GMDS: variants seen among roughly 807,000 people sequenced by gnomAD.
The protein encoded by GMDS is GDP-mannose 4,6-dehydratase.
Under a neutral mutation model 49.9 loss-of-function variants are expected in GMDS, and 20 were observed. The ratio of observed to expected loss-of-function variants is 0.40; its 90% CI spans 0.28 to 0.58. The LOEUF is 0.58. Ranked by LOEUF, GMDS falls within the 20% of genes least tolerant of loss-of-function variation. The probability of loss-of-function intolerance (pLI) is 0.42; values close to 1 mark genes in which losing one functional copy is unlikely to be tolerated. For synonymous variants in GMDS, 177 were observed against 178.6 expected (o/e 0.99, Z 0.07); for missense variants, 362 against 481.4 (o/e 0.75, Z 2.32).
intron 1 of GMDS, among the ~76,000 whole-genome samples, chr6:2,154,479 G>T (rs1001163030): frequency 8.5e-5 from 13 of 152,152 alleles, no homozygotes; most frequent in African/African-American, 3.1e-4. Context: ...TTAAGATACT[G>T]GGAAGTGGTT....
Position 2,136,285 on chromosome 6 carries a change from T to C in GMDS, c.103-11554A>G, listed in dbSNP as rs562935542. Among the ~76,000 whole-genome samples the C allele has an allele frequency of 5.3e-5, 8 of 152,352 alleles. No individual in the cohort carries two copies. In the South Asian group the frequency reaches 1.2e-3, roughly 24 times the overall value. On this transcript the variant is annotated intron_variant, in intron 1 of 10. Coordinates refer to ENST00000380815, the MANE Select transcript of GMDS (RefSeq NM_001500.4). Reference sequence around the variant, plus strand: ...GTTTTAGATTTCATAAAACTGATCATTGAAAAAGTAAATTCATGTACCCAA... The same window carrying C: ...GTTTTAGATTTCATAAAACTGATCACTGAAAAAGTAAATTCATGTACCCAA...
intron 4 of GMDS, among the ~76,000 whole-genome samples, chr6:2,114,020 A>G (rs139501306): frequency 0.01 from 1,536 of 152,290 alleles, 14 homozygotes; most frequent in Non-Finnish European, 0.013. Context: ...CACCAGAACG[A>G]TAACAAAACA....
At chr6:1,780,750 G>C (rs945910230) in intron 7 of GMDS, among the ~76,000 whole-genome samples, 16 of 152,242 alleles carry the variant, frequency 1.1e-4, no homozygotes, top group African/African-American at 3.9e-4. Context: ...GCCATCACAG[G>C]AGTCCTAGTG....
intron 4 of GMDS, among the ~76,000 whole-genome samples, chr6:2,054,373 G>T (rs528443926): frequency 4.6e-5 from 7 of 152,134 alleles, no homozygotes; most frequent in South Asian, 2.1e-4. Flanking sequence ...TCAAAAGTGG[G>T]AAGATTCTGG....
At chr6:1,698,673 G>A (rs1765431939) in intron 9 of GMDS, among the ~76,000 whole-genome samples, 1 of 152,150 alleles carries the variant, frequency 6.6e-6, no homozygotes, top group African/African-American at 2.4e-5. Context: ...AGCCCACTCT[G>A]AGAAGGGCAG....
chr6:1,734,635 G>A (rs1350484544), intron 8 of GMDS, among the ~76,000 whole-genome samples: 2 of 152,184 alleles, frequency 1.3e-5, no homozygotes, highest in Non-Finnish European at 2.9e-5. Flanking sequence ...TTTGTGGGGA[G>A]GCCTCCTCAA....
rs546719432 is a variant in GMDS, at chr6:1,836,698, G to A, written c.771+93405C>T. Among the ~76,000 whole-genome samples, 217 of 152,294 alleles carry A rather than the reference G, an allele frequency of 1.4e-3. 1 individual carries two copies. The highest frequency in any genetic ancestry group is 2.7e-3 in the Non-Finnish European group (181 of 68,026). ...AACATGTGTTTCTTCACTGAATTTC[G>A]TATGGTTTCCCCTCTTCTTCTTATA... On this transcript the variant is annotated intron_variant, in intron 7 of 10. Coordinates refer to ENST00000380815, the MANE Select transcript of GMDS (RefSeq NM_001500.4). This position sits in a 1 kb window ranked among gnomAD's most constrained non-coding sequence, Gnocchi z 4.2.
At position 1,761,650 on chromosome 6, in the gene GMDS, AT is replaced by A. The variant is rs1276523951; in HGVS notation, c.772-19065del. On this transcript the variant is annotated intron_variant, in intron 7 of 10. Transcript: ENST00000380815. Reference sequence around the variant, plus strand: ...TGCCTGAACACTAATTTAATGTTGTATTTTTTTTGCTTGTGTCAATGAGTGT... The same window carrying A: ...TGCCTGAACACTAATTTAATGTTGTATTTTTTTGCTTGTGTCAATGAGTGT... Among the ~76,000 whole-genome samples the A allele has an allele frequency of 3.0e-4, 45 of 151,976 alleles. 1 individual carries two copies. In the South Asian group the frequency reaches 7.7e-3, roughly 26 times the overall value.
chr6:1,733,451 G>A (rs757390916), intron 8 of GMDS, among the ~76,000 whole-genome samples: 2 of 152,188 alleles, frequency 1.3e-5, no homozygotes, highest in African/African-American at 4.8e-5. Flanking sequence ...CAGGGGGAGA[G>A]AGAGGCCAGG....
chr6:2,082,149 C>G (rs903959806), intron 4 of GMDS, among the ~76,000 whole-genome samples: 1 of 152,174 alleles, frequency 6.6e-6, no homozygotes, highest in Non-Finnish European at 1.5e-5. Context: ...ACACATGATA[C>G]GTGTTCCCTA....
chr6:1,945,973 T>C (rs559133164), intron 6 of GMDS, among the ~76,000 whole-genome samples: 45 of 152,328 alleles, frequency 3.0e-4, no homozygotes, highest in Middle Eastern at 3.4e-3. Context: ...TTAAAGTTAA[T>C]AGACTGAGTT....
chr6:1,899,438 G>A (rs538518043), intron 7 of GMDS, among the ~76,000 whole-genome samples: 2 of 152,242 alleles, frequency 1.3e-5, no homozygotes, highest in African/African-American at 4.8e-5. Context: ...CAGTTACAAT[G>A]CTTGATATGG....
At chr6:2,115,937 T>C in intron 3 of GMDS, 57 bp from the exon 4 acceptor site, 1 of 982,134 alleles carries the variant, frequency 1.0e-6, no homozygotes, top group East Asian at 2.4e-5. Flanking sequence ...GCTCAATTTT[T>C]AAAAACATCA....
At chr6:1,804,914 A>G (rs1412934597) in intron 7 of GMDS, among the ~76,000 whole-genome samples, 1 of 152,246 alleles carries the variant, frequency 6.6e-6, no homozygotes, top group African/African-American at 2.4e-5. Flanking sequence ...CAAGGGCTTC[A>G]AAAGAATTAA....
At chr6:1,818,474 G>A in intron 7 of GMDS, among the ~76,000 whole-genome samples, 1 of 151,910 alleles carries the variant, frequency 6.6e-6, no homozygotes, top group East Asian at 1.9e-4. Flanking sequence ...CAGGCGTGGT[G>A]GCAGGTACCT....
At chr6:2,068,495 A>G (rs1771764913) in intron 4 of GMDS, among the ~76,000 whole-genome samples, 1 of 152,212 alleles carries the variant, frequency 6.6e-6, no homozygotes, top group South Asian at 2.1e-4. Flanking sequence ...TGCAGATGAC[A>G]TGATTGTATA....
chr6:1,982,760 A>T (rs571247898), intron 4 of GMDS, among the ~76,000 whole-genome samples: 9 of 152,240 alleles, frequency 5.9e-5, no homozygotes, highest in Admixed American at 5.9e-4. Flanking sequence ...TCAAATGCTC[A>T]TGGATAGGAA....
chr6:1,844,819 G>C (rs1669757520), intron 7 of GMDS, among the ~76,000 whole-genome samples: 1 of 152,164 alleles, frequency 6.6e-6, no homozygotes, highest in South Asian at 2.1e-4. Flanking sequence ...TTTATAAATA[G>C]GTTAGCTTCT....
chr6:2,003,250 A>G lies in GMDS; in HGVS notation c.346-42284T>C, dbSNP rs540851357. On this transcript the variant is annotated intron_variant, in intron 4 of 10. Transcript: ENST00000380815. ...ACGAGCAGGAGGATGATGATACCATATATTTATGTGGCATCAGAATCCCAC... is the reference window on the plus strand; with the variant it reads ...ACGAGCAGGAGGATGATGATACCATGTATTTATGTGGCATCAGAATCCCAC... Among the ~76,000 whole-genome samples the G allele has an allele frequency of 2.0e-5, 3 of 152,320 alleles. No individual in the cohort carries two copies. The East Asian group carries it at 5.8e-4, about 29-fold the overall frequency.
Sources: allele counts gnomAD v4.1 joint callset (sites outside exome capture counted in the v4.1 genomes callset), GRCh38; gene constraint gnomAD v4.1.1; non-coding constraint Gnocchi (gnomAD v3.1); transcripts MANE v1.5; gene names NCBI Gene and HGNC (gene_info 2026-07-23, HGNC 2026-07-21).